Variants in SHISA9 observed in about 807,000 individuals in gnomAD.
The protein encoded by SHISA9 is protein shisa-9.
In SHISA9, 13 loss-of-function variants were observed where a neutral mutation model predicts 38.0. That is an observed-to-expected ratio of 0.34 (90% CI 0.22 to 0.54). The LOEUF is 0.54. SHISA9 is among the 20% of genes least tolerant of loss of function. The pLI is 0.91. For synonymous variants in SHISA9, 275 were observed against 242.0 expected, an observed-to-expected ratio of 1.14 and a Z score of -1.27; for missense variants, 538 against 575.8, an observed-to-expected ratio of 0.93 and a Z score of 0.67.
At chr16:13,327,847 C>T in the SHISA9 span, among the ~76,000 whole-genome samples, 1 of 151,874 alleles carries the variant, frequency 6.6e-6, no homozygotes, top group Admixed American at 6.6e-5. Flanking sequence ...TTAGTAGAGA[C>T]AGGGTTTCTC....
the SHISA9 span, among the ~76,000 whole-genome samples, chr16:13,429,175 A>G: frequency 1.1e-4 from 17 of 152,324 alleles, no homozygotes; most frequent in African/African-American, 3.8e-4. Context: ...GAGAAATAAC[A>G]AAGATCTCAA....
At chr16:13,013,314 A>G (rs922300498) in intron 2 of SHISA9, among the ~76,000 whole-genome samples, 9 of 152,184 alleles carry the variant, frequency 5.9e-5, no homozygotes, top group Admixed American at 5.9e-4. Flanking sequence ...CCCAGAGTCA[A>G]GGACGCCTAT....
intron 2 of SHISA9, among the ~76,000 whole-genome samples, chr16:13,004,688 G>A (rs1202883991): frequency 6.6e-6 from 1 of 151,940 alleles, no homozygotes; most frequent in Non-Finnish European, 1.5e-5. Flanking sequence ...ACTTTGGGAG[G>A]CCAAGGTGGG....
chr16:13,127,184 TGGGAGAGAGAAAGAAAGA>T (rs2050267146), intron 2 of SHISA9, among the ~76,000 whole-genome samples: 1 of 33,406 alleles, frequency 3.0e-5, no homozygotes. Context: ...AGAGTGAGGG[TGGGAGAGAGAAAGAAAGA>T]GGGAGAGAGG....
chr16:13,175,622 G>C (rs2050725326), intron 2 of SHISA9, among the ~76,000 whole-genome samples: 1 of 152,208 alleles, frequency 6.6e-6, no homozygotes, highest in African/African-American at 2.4e-5. Flanking sequence ...CTGATTGAAA[G>C]TTATTTTTCA....
At chr16:13,009,631 A>G (rs2072645312) in intron 2 of SHISA9, among the ~76,000 whole-genome samples, 1 of 152,212 alleles carries the variant, frequency 6.6e-6, no homozygotes, top group South Asian at 2.1e-4. Context: ...ATTTGTAATC[A>G]GAGTTTGCAA....
chr16:13,471,971 G>A, the SHISA9 span, among the ~76,000 whole-genome samples: 1 of 152,220 alleles, frequency 6.6e-6, no homozygotes, highest in Non-Finnish European at 1.5e-5. Context: ...GGGTCAGTGA[G>A]TGACCCAAGC....
chr16:13,507,795 T>G, the SHISA9 span, among the ~76,000 whole-genome samples: 4 of 152,158 alleles, frequency 2.6e-5, no homozygotes, highest in South Asian at 8.3e-4. Context: ...CAAGCAAGAT[T>G]GTGCTCGTTT....
chr16:13,241,327 A>T (rs2051433739), downstream of SHISA9, among the ~76,000 whole-genome samples: 1 of 152,126 alleles, frequency 6.6e-6, no homozygotes, highest in Non-Finnish European at 1.5e-5. Flanking sequence ...GCCAACGTGG[A>T]TTAACCCCAT....
At chr16:13,068,508 G>T (rs1026095159) in intron 2 of SHISA9, among the ~76,000 whole-genome samples, 1 of 152,240 alleles carries the variant, frequency 6.6e-6, no homozygotes, top group East Asian at 1.9e-4. Flanking sequence ...ACAGCAGTTA[G>T]TCTAGTTTAG....
At chr16:13,463,315 G>A in the SHISA9 span, among the ~76,000 whole-genome samples, 4 of 152,138 alleles carry the variant, frequency 2.6e-5, no homozygotes, top group African/African-American at 9.7e-5. Flanking sequence ...TAGCAGGTGT[G>A]GAGAGAGAGA....
At chr16:13,542,220 T>C in the SHISA9 span, among the ~76,000 whole-genome samples, 1 of 152,198 alleles carries the variant, frequency 6.6e-6, no homozygotes, top group Non-Finnish European at 1.5e-5. Flanking sequence ...TTCTGACTTC[T>C]GGCCTCCAGA....
the SHISA9 span, among the ~76,000 whole-genome samples, chr16:13,505,335 G>A: frequency 6.6e-6 from 1 of 152,252 alleles, no homozygotes; most frequent in African/African-American, 2.4e-5. Context: ...TGCCCTTCTG[G>A]GGGCTTCGTA....
chr16:13,469,356 AAGAAAAGAAAAAG>A, the SHISA9 span, among the ~76,000 whole-genome samples: 982 of 125,410 alleles, frequency 7.8e-3, 1 homozygote, highest in Admixed American at 0.021. Flanking sequence ...GAAAGAAAGA[AAGAAAAGAAAAAG>A]AAAGAAAGAA....
chr16:13,282,748 G>A, the SHISA9 span, among the ~76,000 whole-genome samples: 1 of 151,952 alleles, frequency 6.6e-6, no homozygotes, highest in Non-Finnish European at 1.5e-5. Flanking sequence ...GTCACTGAAT[G>A]TTTCTTTTGC....
rs549657733 is a variant in SHISA9, at chr16:13,112,232, C to T, written c.692-91162C>T. On this transcript the variant is annotated intron_variant, in intron 2 of 4. Coordinates refer to ENST00000558583, the MANE Select transcript of SHISA9 (RefSeq NM_001145204.3). ...TTTAGTTCTTGATATGTTTAGAGAG[C>T]AATTTGGTGTTTTAGTTAATAAGAG... Among the ~76,000 whole-genome samples the T allele has an allele frequency of 4.0e-5, 6 of 151,800 alleles. No individual in the cohort carries two copies. In the South Asian group the frequency reaches 1.3e-3, roughly 32 times the overall value.
chr16:13,471,011 A>T, the SHISA9 span, among the ~76,000 whole-genome samples: 1 of 152,072 alleles, frequency 6.6e-6, no homozygotes, highest in African/African-American at 2.4e-5. Flanking sequence ...GTATTAATGA[A>T]ATAGTTACTG....
chr16:13,243,696 C>A (rs1238502291), downstream of SHISA9, among the ~76,000 whole-genome samples: 3 of 151,604 alleles, frequency 2.0e-5, no homozygotes, highest in Non-Finnish European at 4.4e-5. Context: ...GCATGTCCGA[C>A]CCCCACTTCT....
At chr16:13,536,906 G>A in the SHISA9 span, among the ~76,000 whole-genome samples, 1 of 152,156 alleles carries the variant, frequency 6.6e-6, no homozygotes, top group African/African-American at 2.4e-5. Context: ...CCACACTAAT[G>A]TTGTCCTACT....
Sources: allele counts gnomAD v4.1 joint callset (sites outside exome capture counted in the v4.1 genomes callset), GRCh38; gene constraint gnomAD v4.1.1; transcripts MANE v1.5; gene names NCBI Gene and HGNC (gene_info 2026-07-23, HGNC 2026-07-21).